Variants in ITGBL1 observed in about 807,000 individuals in gnomAD.
The protein encoded by ITGBL1 is integrin beta-like protein 1.
In ITGBL1, 51 loss-of-function variants were observed where a neutral mutation model predicts 68.5. That is an observed-to-expected ratio of 0.74 (90% CI 0.59 to 0.94). ITGBL1 has a LOEUF of 0.94. Ranked by LOEUF, ITGBL1 falls within the 40% of genes least tolerant of loss-of-function variation. ITGBL1 has a pLI of 0.00. For synonymous variants in ITGBL1, 209 were observed against 227.3 expected (o/e 0.92, Z 0.72); for missense variants, 649 against 647.4 (o/e 1.00, Z -0.03).
intron 7 of ITGBL1, among the ~76,000 whole-genome samples, chr13:101,604,971 C>CGCATGT (rs1163002939): frequency 2.4e-4 from 1 of 4,236 alleles, no homozygotes; most frequent in African/African-American, 3.1e-4. Context: ...TGTATATATA[C>CGCATGT]ATATATGCGT....
At chr13:101,621,617 C>T (rs1341176920) in intron 7 of ITGBL1, among the ~76,000 whole-genome samples, 1 of 152,084 alleles carries the variant, frequency 6.6e-6, no homozygotes, top group Non-Finnish European at 1.5e-5. Context: ...TTTATTCCAC[C>T]TTTTAAAATG....
At chr13:101,613,107 A>AT (rs1180008704) in intron 7 of ITGBL1, among the ~76,000 whole-genome samples, 1 of 152,186 alleles carries the variant, frequency 6.6e-6, no homozygotes, top group Admixed American at 6.5e-5. Flanking sequence ...TTTGTTATCT[A>AT]TAAAAATGGC....
chr13:101,488,572 T>G (rs2048732418), intron 2 of ITGBL1, among the ~76,000 whole-genome samples: 2 of 152,138 alleles, frequency 1.3e-5, no homozygotes, highest in South Asian at 4.1e-4. Flanking sequence ...TCAGTTTCCT[T>G]GTCTAAGCGG....
intron 3 of ITGBL1, among the ~76,000 whole-genome samples, chr13:101,571,369 G>A (rs113611859): frequency 1.1e-4 from 16 of 152,132 alleles, no homozygotes; most frequent in African/African-American, 2.9e-4. Context: ...GTCGAATGAC[G>A]TGTTCATAAG....
chr13:101,638,726 C>G (rs1005510081), intron 7 of ITGBL1, among the ~76,000 whole-genome samples: 5 of 152,156 alleles, frequency 3.3e-5, no homozygotes, highest in African/African-American at 1.2e-4. Flanking sequence ...TCAATTATCT[C>G]CCACTGGGTC....
chr13:101,554,593 C>T (rs2049975319), intron 2 of ITGBL1, among the ~76,000 whole-genome samples: 2 of 152,182 alleles, frequency 1.3e-5, no homozygotes, highest in Non-Finnish European at 2.9e-5. Context: ...CATTTGGTGG[C>T]CTATGTCAGG....
At chr13:101,693,860 C>A (rs2033940007) in intron 8 of ITGBL1, among the ~76,000 whole-genome samples, 2 of 152,042 alleles carry the variant, frequency 1.3e-5, no homozygotes, top group African/African-American at 2.4e-5. Flanking sequence ...TGCAGTCAGA[C>A]CTTGGTGATG....
At chr13:101,709,065 T>C (rs2034330168) in intron 9 of ITGBL1, among the ~76,000 whole-genome samples, 1 of 151,768 alleles carries the variant, frequency 6.6e-6, no homozygotes, top group Admixed American at 6.6e-5. Flanking sequence ...GAGAAGGAGA[T>C]TAAGGAAGAA....
At chr13:101,631,826 A>C (rs955800179) in intron 7 of ITGBL1, among the ~76,000 whole-genome samples, 2 of 152,168 alleles carry the variant, frequency 1.3e-5, no homozygotes, top group Non-Finnish European at 2.9e-5. Context: ...AAGGCAAGTT[A>C]ATGAGTAAAG....
intron 9 of ITGBL1, among the ~76,000 whole-genome samples, chr13:101,708,294 G>A (rs1212971220): frequency 2.0e-5 from 3 of 152,082 alleles, no homozygotes; most frequent in Non-Finnish European, 2.9e-5. Context: ...GGGGAGCAGC[G>A]CTTCAAAGAA....
chr13:101,537,564 G>A (rs1405813481), intron 2 of ITGBL1, among the ~76,000 whole-genome samples: 2 of 151,942 alleles, frequency 1.3e-5, no homozygotes, highest in African/African-American at 2.4e-5. Context: ...TTAGCATAGA[G>A]CAGTATGGTA....
At chr13:101,686,935 A>G (rs1409150253) in intron 7 of ITGBL1, among the ~76,000 whole-genome samples, 1 of 152,188 alleles carries the variant, frequency 6.6e-6, no homozygotes, top group Non-Finnish European at 1.5e-5. Context: ...GTTATATAGA[A>G]AATTGGGCTT....
chr13:101,521,293 T>G (rs1048404350), intron 2 of ITGBL1, among the ~76,000 whole-genome samples: 1 of 152,188 alleles, frequency 6.6e-6, no homozygotes, highest in Non-Finnish European at 1.5e-5. Context: ...CGAAAATCTC[T>G]GCTTACATGC....
intron 7 of ITGBL1, among the ~76,000 whole-genome samples, chr13:101,646,623 T>G (rs2032568152): frequency 6.6e-6 from 1 of 152,068 alleles, no homozygotes; most frequent in Non-Finnish European, 1.5e-5. Flanking sequence ...AGAGTCTACC[T>G]CAGTAAATGC....
At chr13:101,709,135 G>A (rs934886335) in intron 9 of ITGBL1, among the ~76,000 whole-genome samples, 3 of 151,998 alleles carry the variant, frequency 2.0e-5, no homozygotes, top group Admixed American at 6.6e-5. Context: ...GGAGGCCGAG[G>A]CGGGTGGATC....
intron 2 of ITGBL1, among the ~76,000 whole-genome samples, chr13:101,561,686 G>A (rs188108856): frequency 6.6e-6 from 1 of 152,262 alleles, no homozygotes; most frequent in East Asian, 1.9e-4. Flanking sequence ...GGAAAATGGA[G>A]AGACGTCTTT....
At chr13:101,630,345 T>C (rs1190144445) in intron 7 of ITGBL1, among the ~76,000 whole-genome samples, 1 of 152,176 alleles carries the variant, frequency 6.6e-6, no homozygotes, top group African/African-American at 2.4e-5. Context: ...ATTTTCTTTC[T>C]CTCTAAATGC....
chr13:101,582,222 T>C (rs979243317), intron 5 of ITGBL1, among the ~76,000 whole-genome samples: 2 of 152,080 alleles, frequency 1.3e-5, no homozygotes, highest in African/African-American at 4.8e-5. Context: ...TTCAGCTTTG[T>C]CAGTCTTTTT....
At chr13:101,471,101 T>A (rs1205751488) in intron 2 of ITGBL1, among the ~76,000 whole-genome samples, 1 of 152,212 alleles carries the variant, frequency 6.6e-6, no homozygotes, top group African/African-American at 2.4e-5. Context: ...TTTTGAATTA[T>A]CACATGCATT....
Sources: allele counts gnomAD v4.1 joint callset (sites outside exome capture counted in the v4.1 genomes callset), GRCh38; gene constraint gnomAD v4.1.1; transcripts MANE v1.5; gene names NCBI Gene and HGNC (gene_info 2026-07-23, HGNC 2026-07-21).